The following ARHGEF3 variants were observed in gnomAD, a reference collection of about 807,000 sequenced individuals.
The protein encoded by ARHGEF3 is Rho guanine nucleotide exchange factor 3, also known as 59.8 kDA protein.
In ARHGEF3, 28 loss-of-function variants were observed where a neutral mutation model predicts 63.2. The observed-to-expected ratio is 0.44, with a 90% CI of 0.33 to 0.61. The LOEUF (loss-of-function observed/expected upper bound fraction) is 0.61, where lower values mean the gene tolerates loss of function less well. ARHGEF3 is among the 20% of genes least tolerant of loss of function. ARHGEF3 has a pLI of 0.03. For missense variants in ARHGEF3, 533 were observed against 659.3 expected, an observed-to-expected ratio of 0.81 and a Z score of 2.10; for synonymous variants, 266 against 254.2, an observed-to-expected ratio of 1.05 and a Z score of -0.44.
Position 56,967,925 on chromosome 3 carries a change from A to T in ARHGEF3, c.63-9036T>A, listed in dbSNP as rs1227653721. Among the ~76,000 whole-genome samples the T allele has an allele frequency of 3.8e-3, 273 of 71,460 alleles. 3 individuals carry two copies. Among genetic ancestry groups the T allele is most frequent in the African/African-American group, 0.014 (259 of 17,922 alleles). The allele number at this position is 71,460 out of a possible 152,430, so 46.9% of individuals were successfully genotyped here. On this transcript the variant is annotated intron_variant, in intron 2 of 12. Coordinates refer to the ARHGEF3 transcript ENST00000338458. ...TAATATATTATATATAATATATTAT[A>T]TATAATATAAAATATATTATATATT...
intron 2 of ARHGEF3, among the ~76,000 whole-genome samples, chr3:57,033,416 T>TAA (rs1486681003): frequency 0.033 from 2,397 of 72,144 alleles, 64 homozygotes; most frequent in African/African-American, 0.093. Context: ...TTGGCTGCAG[T>TAA]AAAAAAAAAA....
chr3:56,758,007 G>C (rs971275022), intron 2 of ARHGEF3, among the ~76,000 whole-genome samples: 2 of 151,554 alleles, frequency 1.3e-5, no homozygotes, highest in Non-Finnish European at 2.9e-5. Context: ...GCCGGGCGTG[G>C]TGGCTCACGC....
At chr3:56,958,735 C>T (rs574038772) in intron 3 of ARHGEF3, 2 of 1,387,366 alleles carry the variant, frequency 1.4e-6, no homozygotes, top group Admixed American at 2.1e-5. Flanking sequence ...ATTAGTAAAA[C>T]CAACCCTAAC....
intron 4 of ARHGEF3, among the ~76,000 whole-genome samples, chr3:56,877,376 C>CT (rs755860299): frequency 0.11 from 15,680 of 136,832 alleles, 1,044 homozygotes; most frequent in Non-Finnish European, 0.15. Flanking sequence ...TACTATAATC[C>CT]TTTTTTTTTT....
chr3:56,942,068 T>C (rs976281230), intron 3 of ARHGEF3, among the ~76,000 whole-genome samples: 3 of 152,216 alleles, frequency 2.0e-5, no homozygotes, highest in Non-Finnish European at 2.9e-5. Flanking sequence ...ATTGACTAAA[T>C]AGTGCTGTAG....
chr3:57,014,904 C>G (rs1387471926), intron 2 of ARHGEF3, among the ~76,000 whole-genome samples: 1 of 152,130 alleles, frequency 6.6e-6, no homozygotes, highest in Non-Finnish European at 1.5e-5. Flanking sequence ...CCAGGATGGT[C>G]TCGATCTCCT....
intron 3 of ARHGEF3, among the ~76,000 whole-genome samples, chr3:56,906,973 C>CTTT (rs1253595488): frequency 1.8e-4 from 19 of 106,958 alleles, no homozygotes; most frequent in African/African-American, 5.7e-4. Flanking sequence ...GGCTCACATT[C>CTTT]TATTTTTTTT....
Position 56,732,320 on chromosome 3 carries a change from T to C in ARHGEF3, c.1146A>G (p.Lys382=), listed in dbSNP as rs758819038. 6.2e-7 allele frequency: 1 copy of C among 1,614,206 alleles called. No individual in the cohort carries two copies. Among genetic ancestry groups the C allele is most frequent in the Non-Finnish European group, 8.5e-7 (1 of 1,180,042 alleles). The part of the protein sequence containing the change: ...YQLYRQPIPV[K]DLLLEDLQDG... ...CCTGGAGGTCTTCCAGCAGGAGGTCTTTCACGGGGATTGGCTGACGGTACA... is the reference window on the plus strand; with the variant it reads ...CCTGGAGGTCTTCCAGCAGGAGGTCCTTCACGGGGATTGGCTGACGGTACA... The change falls in exon 9 of 10, where the codon AAA becomes AAG. Residue 382 remains lysine (K), a synonymous_variant. Transcript: ENST00000296315.
intron 3 of ARHGEF3, among the ~76,000 whole-genome samples, chr3:56,927,413 G>A (rs2042302310): frequency 6.6e-6 from 1 of 152,152 alleles, no homozygotes; most frequent in South Asian, 2.1e-4. Flanking sequence ...ATGCAAATCT[G>A]TGTAAATAGC....
At chr3:57,001,234 C>T (rs866635722) in intron 2 of ARHGEF3, among the ~76,000 whole-genome samples, 3 of 152,328 alleles carry the variant, frequency 2.0e-5, no homozygotes, top group African/African-American at 4.8e-5. Context: ...GCCACTGTGC[C>T]AGGTCCTTCT....
intron 2 of ARHGEF3, among the ~76,000 whole-genome samples, chr3:56,997,234 C>T (rs1702029627): frequency 6.6e-6 from 1 of 152,158 alleles, no homozygotes; most frequent in Non-Finnish European, 1.5e-5. Flanking sequence ...TTCTGACCCT[C>T]ATGACCTCCC....
chr3:56,811,641 A>C (rs2108005601), intron 4 of ARHGEF3, among the ~76,000 whole-genome samples: 1 of 152,274 alleles, frequency 6.6e-6, no homozygotes, highest in South Asian at 2.1e-4. Flanking sequence ...TTTCTGCTTT[A>C]CTTGATTTTT....
rs10666149 is a variant in ARHGEF3 at position 57,056,384 on chromosome 3, C to CAAAAA, written c.-27-21213_-27-21209dup. Among the ~76,000 whole-genome samples the CAAAAA allele has an allele frequency of 3.0e-4, 33 of 108,206 alleles. 3 individuals carry two copies. Among genetic ancestry groups the CAAAAA allele is most frequent in the South Asian group, 6.9e-4 (2 of 2,888 alleles). The allele number at this position is 108,206 out of a possible 152,430, so 71.0% of individuals were successfully genotyped here. ...CCTGGGCGACAGAGCAAGACTCCATCAAAAAAAAAAAAAAAAAAAGAAGCA... is the reference window on the plus strand; with the variant it reads ...CCTGGGCGACAGAGCAAGACTCCATCAAAAAAAAAAAAAAAAAAAAAAAAGAAGCA... On this transcript the variant is annotated intron_variant, in intron 1 of 12. Coordinates refer to the ARHGEF3 transcript ENST00000338458.
intron 1 of ARHGEF3, among the ~76,000 whole-genome samples, chr3:57,078,327 C>T (rs1706306310): frequency 6.6e-6 from 1 of 152,246 alleles, no homozygotes; most frequent in Admixed American, 6.5e-5. Context: ...CAACTACCGT[C>T]TGGCAGTTCT....
intron 4 of ARHGEF3, among the ~76,000 whole-genome samples, chr3:56,867,132 T>C (rs988867801): frequency 6.6e-6 from 1 of 152,210 alleles, no homozygotes; most frequent in Non-Finnish European, 1.5e-5. Flanking sequence ...CAAATATGTA[T>C]GTAGAGGAAG....
At chr3:56,750,375 T>C (rs991243622) in intron 6 of ARHGEF3, among the ~76,000 whole-genome samples, 1 of 152,194 alleles carries the variant, frequency 6.6e-6, no homozygotes, top group African/African-American at 2.4e-5. Flanking sequence ...TTATGACTCC[T>C]AATCTAAGAT....
chr3:56,777,187 A>G (rs766752641), intron 1 of ARHGEF3, among the ~76,000 whole-genome samples: 1 of 152,240 alleles, frequency 6.6e-6, no homozygotes, highest in Admixed American at 6.5e-5. Context: ...ACACGCAGAG[A>G]AAGTTCTTTT....
chr3:57,060,262 C>T (rs1292614734), intron 1 of ARHGEF3, among the ~76,000 whole-genome samples: 5 of 145,968 alleles, frequency 3.4e-5, no homozygotes, highest in African/African-American at 1.0e-4. Flanking sequence ...GATTGTGCCA[C>T]GGCACTCCAG....
chr3:56,972,777 T>C (rs1052661560), intron 2 of ARHGEF3, among the ~76,000 whole-genome samples: 7 of 152,036 alleles, frequency 4.6e-5, no homozygotes, highest in African/African-American at 1.7e-4. Flanking sequence ...GCAAGGTCTC[T>C]GGATTTTAGT....
Sources: allele counts gnomAD v4.1 joint callset (sites outside exome capture counted in the v4.1 genomes callset), GRCh38; gene constraint gnomAD v4.1.1; transcripts MANE v1.5; gene names NCBI Gene and HGNC (gene_info 2026-07-23, HGNC 2026-07-21).